PEBP4: variants seen among roughly 807,000 people sequenced by gnomAD.
PEBP4 encodes the protein phosphatidylethanolamine-binding protein 4.
Under a neutral mutation model 23.9 loss-of-function variants are expected in PEBP4, and 22 were observed. That is an observed-to-expected ratio of 0.92 (90% CI 0.66 to 1.31). The LOEUF (loss-of-function observed/expected upper bound fraction) is 1.31, where lower values mean the gene tolerates loss of function less well. Ranked by LOEUF, PEBP4 falls within the 40% of genes most tolerant of loss-of-function variation. The pLI is 0.00. For missense variants in PEBP4, 324 were observed against 281.7 expected, an observed-to-expected ratio of 1.15 and a Z score of -1.07; for synonymous variants, 112 against 99.3, an observed-to-expected ratio of 1.13 and a Z score of -0.76.
intron 4 of PEBP4, among the ~76,000 whole-genome samples, chr8:22,747,296 A>ACC (rs1164900983): frequency 6.6e-6 from 1 of 152,148 alleles, no homozygotes; most frequent in African/African-American, 2.4e-5. Context: ...GGGTGCCCCC[A>ACC]CCCTTGTTCA....
chr8:22,875,623 G>A (rs1165280976), intron 3 of PEBP4, among the ~76,000 whole-genome samples: 1 of 152,134 alleles, frequency 6.6e-6, no homozygotes, highest in Non-Finnish European at 1.5e-5. Context: ...AGTTAGTCTT[G>A]ACTTAGTCCC....
At chr8:22,898,431 A>AAAAAAAAAAAAC (rs1563253603) in intron 3 of PEBP4, among the ~76,000 whole-genome samples, 1 of 123,782 alleles carries the variant, frequency 8.1e-6, no homozygotes, top group African/African-American at 3.1e-5. Flanking sequence ...AAAAAAAAAA[A>AAAAAAAAAAAAC]CCCACCCAGT....
intron 4 of PEBP4, among the ~76,000 whole-genome samples, chr8:22,765,499 GA>G (rs1805592362): frequency 6.6e-6 from 1 of 152,136 alleles, no homozygotes; most frequent in African/African-American, 2.4e-5. Context: ...TGTCCCTCAT[GA>G]GCCCATGCCT....
intron 4 of PEBP4, among the ~76,000 whole-genome samples, chr8:22,733,352 G>A (rs575752385): frequency 2.0e-5 from 3 of 152,302 alleles, no homozygotes; most frequent in South Asian, 2.1e-4. Flanking sequence ...GGGTGTCCCC[G>A]TAGGGACAGA....
chr8:22,878,947 T>C (rs556051683), intron 3 of PEBP4, among the ~76,000 whole-genome samples: 4 of 152,300 alleles, frequency 2.6e-5, no homozygotes, highest in Middle Eastern at 3.4e-3. Flanking sequence ...AGCTAAAAAT[T>C]ATAGTTCTTG....
intron 3 of PEBP4, among the ~76,000 whole-genome samples, chr8:22,863,745 C>G (rs1033027931): frequency 2.0e-5 from 3 of 152,094 alleles, no homozygotes; most frequent in African/African-American, 7.2e-5. Context: ...ACCAAGTGTC[C>G]AGCACATAAG....
chr8:22,867,978 T>C (rs931353045), intron 3 of PEBP4, among the ~76,000 whole-genome samples: 3 of 152,168 alleles, frequency 2.0e-5, no homozygotes, highest in African/African-American at 7.2e-5. Context: ...GTCACCTCTG[T>C]GCATGCACAG....
intron 3 of PEBP4, among the ~76,000 whole-genome samples, chr8:22,856,486 G>A (rs1473814332): frequency 6.6e-6 from 1 of 152,186 alleles, no homozygotes; most frequent in Non-Finnish European, 1.5e-5. Context: ...GGAGGCCGAG[G>A]CAGGCGGATT....
chr8:22,805,430 G>C (rs1000836192), intron 4 of PEBP4, among the ~76,000 whole-genome samples: 1 of 152,244 alleles, frequency 6.6e-6, no homozygotes, highest in South Asian at 2.1e-4. Flanking sequence ...GGGTTCAAGC[G>C]ATTCTCCTGC....
chr8:22,861,284 A>G (rs1210539230), intron 3 of PEBP4, among the ~76,000 whole-genome samples: 1 of 152,224 alleles, frequency 6.6e-6, no homozygotes, highest in Non-Finnish European at 1.5e-5. Flanking sequence ...TATTACAGCT[A>G]ATAATAATAG....
chr8:22,827,497 G>T (rs898491017), intron 3 of PEBP4, among the ~76,000 whole-genome samples: 5 of 150,642 alleles, frequency 3.3e-5, no homozygotes, highest in Admixed American at 6.6e-5. Context: ...CATAATACTT[G>T]TTTTTTTTTG....
intron 4 of PEBP4, among the ~76,000 whole-genome samples, chr8:22,793,433 A>AT (rs11315221): frequency 0.15 from 17,824 of 120,222 alleles, 1,435 homozygotes; most frequent in Non-Finnish European, 0.2. Flanking sequence ...CGCCCAGCTC[A>AT]TTTTTTTTTT....
At chr8:22,897,270 G>A (rs138659413) in intron 3 of PEBP4, among the ~76,000 whole-genome samples, 1 of 152,244 alleles carries the variant, frequency 6.6e-6, no homozygotes, top group Non-Finnish European at 1.5e-5. Flanking sequence ...AGATCACATT[G>A]TAAGCTGCTA....
At chr8:22,855,488 T>C (rs556766401) in intron 3 of PEBP4, among the ~76,000 whole-genome samples, 4 of 152,324 alleles carry the variant, frequency 2.6e-5, no homozygotes, top group African/African-American at 9.6e-5. Context: ...GTCTGTGTCA[T>C]GATCTGTATT....
chr8:22,903,213 G>C (rs1808746010), intron 3 of PEBP4, among the ~76,000 whole-genome samples: 1 of 152,178 alleles, frequency 6.6e-6, no homozygotes, highest in African/African-American at 2.4e-5. Flanking sequence ...GAGTAAAGTT[G>C]GGAAACAGAC....
rs982763823 is a variant in PEBP4, at chr8:22,796,849, C to T, written c.357+20788G>A. 3.3e-5 allele frequency among the ~76,000 whole-genome samples: 5 copies of T among 151,980 alleles called. No homozygotes were observed. In the South Asian group the frequency reaches 8.3e-4, roughly 25 times the overall value. ...AATACTGCCTATTGGATACAATGTA[C>T]ACTATTTGGGTGATGGGTACACTGA... On this transcript the variant is annotated intron_variant, in intron 4 of 6. Transcript: ENST00000256404.
chr8:22,896,797 CCA>C (rs1252511839), intron 3 of PEBP4, among the ~76,000 whole-genome samples: 3 of 151,940 alleles, frequency 2.0e-5, no homozygotes, highest in Non-Finnish European at 4.4e-5. Context: ...GCCTTAAAAT[CCA>C]CAGTTAGTGT....
intron 4 of PEBP4, among the ~76,000 whole-genome samples, chr8:22,737,488 G>T (rs1415030255): frequency 6.6e-6 from 1 of 152,070 alleles, no homozygotes; most frequent in Admixed American, 6.6e-5. Context: ...AGTTCACTCA[G>T]ATCCCCGCCC....
intron 4 of PEBP4, among the ~76,000 whole-genome samples, chr8:22,770,626 C>T (rs537351481): frequency 2.0e-5 from 3 of 152,320 alleles, no homozygotes; most frequent in Admixed American, 6.5e-5. Flanking sequence ...TTTTCAATGT[C>T]GCCTGCTCAT....
Sources: gnomAD v4.1 joint callset for allele counts (sites outside exome capture counted in the v4.1 genomes callset) on GRCh38, gnomAD v4.1.1 for gene constraint, MANE v1.5 for transcripts, NCBI Gene and HGNC (gene_info 2026-07-23, HGNC 2026-07-21) for gene names.